MPZ: variants seen among roughly 807,000 people sequenced by gnomAD.
MPZ encodes the protein myelin protein P0.
Under a neutral mutation model 27.9 loss-of-function variants are expected in MPZ, and 13 were observed. The ratio of observed to expected loss-of-function variants is 0.47; its 90% CI spans 0.30 to 0.74. The LOEUF (loss-of-function observed/expected upper bound fraction) is 0.74, where lower values mean the gene tolerates loss of function less well. Ranked by LOEUF, MPZ falls within the 30% of genes least tolerant of loss-of-function variation. MPZ has a pLI of 0.06. For synonymous variants in MPZ, 118 were observed against 128.9 expected (o/e 0.92, Z 0.57); for missense variants, 256 against 317.5 (o/e 0.81, Z 1.47).
intron 3 of MPZ, 76 bp from the exon 4 acceptor site, chr1:161,306,540 T>C: frequency 6.3e-7 from 1 of 1,597,598 alleles, no homozygotes; most frequent in Non-Finnish European, 8.6e-7. Context: ...GTGTATGCCC[T>C]GCATTGAGGA....
chr1:161,309,567 G>GAATTTTTTTTTT (rs1670352724), intron 1 of MPZ, among the ~76,000 whole-genome samples: 1 of 52,584 alleles, frequency 1.9e-5, no homozygotes, highest in Non-Finnish European at 4.1e-5. Context: ...TTTTTTTTTT[G>GAATTTTTTTTTT]AATTTTACAG....
rs1182729605 is a variant in MPZ, at chr1:161,307,427, G to T, written c.68-3C>A. The stretch of plus-strand genomic sequence containing the variant: ...GATGGCCTGGGCCGGGGACAGCACT[G>T]CAAGCACAAAGTGGGGAATCAGATG... On this transcript the variant is annotated splice_region_variant and splice_polypyrimidine_tract_variant and intron_variant, in intron 1 of 5. Coordinates refer to ENST00000533357, the MANE Select transcript of MPZ (RefSeq NM_000530.8). The T allele has an allele frequency of 6.2e-7, 1 of 1,614,058 alleles. No individual in the cohort carries two copies. The highest frequency in any genetic ancestry group is 8.5e-7 in the Non-Finnish European group (1 of 1,180,046).
downstream of MPZ, among the ~76,000 whole-genome samples, chr1:161,304,512 C>T (rs1243460038): frequency 6.6e-6 from 1 of 152,132 alleles, no homozygotes. Flanking sequence ...CATGTAAAAG[C>T]AGAGACTGGC....
In MPZ at chr1:161,306,140, G is replaced by A. The variant is rs1670234542; in HGVS notation, c.613C>T (p.Pro205Ser). The A allele has an allele frequency of 1.2e-6, 2 of 1,614,078 alleles. No homozygotes were observed. The highest frequency in any genetic ancestry group is 2.2e-5 in the South Asian group (2 of 91,096). Reference protein sequence around the residue: ...SAMEKGKLHKPGKDASKRGRQ... With the variant: ...SAMEKGKLHKSGKDASKRGRQ... The stretch of plus-strand genomic sequence containing the variant: ...CCGCGCTTCGACGCGTCCTTTCCTG[G>A]CTTGTGCAATTTCCCCTTCTCCATA... Residue 205 changes from proline to serine, a missense_variant, in exon 5 of 6, where the codon CCA becomes TCA. By Grantham distance (74) the Pro-to-Ser change is moderately conservative. Transcript: ENST00000533357.
rs1670365188 is a variant in MPZ, at chr1:161,309,938, G to A, written c.-33C>T. 6.5e-7 allele frequency: 1 copy of A among 1,538,338 alleles called. No individual in the cohort carries two copies. The highest frequency in any genetic ancestry group is 8.9e-7 in the Non-Finnish European group (1 of 1,129,424). On this transcript the variant is annotated 5_prime_UTR_variant, in exon 1 of 6. Coordinates refer to ENST00000533357, the MANE Select transcript of MPZ (RefSeq NM_000530.8). ...GCAGGGGCAGGGGCCCGGAGCATCT[G>A]TGGGGTTGAGAAAGTGGGGGACCAG...
Position 161,304,865 on chromosome 1 carries a change from C to A in MPZ, c.*1011G>T, listed in dbSNP as rs1399604509. The A allele has an allele frequency of 7.0e-6, 1 of 142,602 alleles. No individual in the cohort carries two copies. Among genetic ancestry groups the A allele is most frequent in the Non-Finnish European group, 1.6e-5 (1 of 63,762 alleles). 8.8% of individuals were successfully genotyped at this position (142,602 alleles called of 1,614,324 possible). Reference sequence around the variant, plus strand: ...AGCCTCTTCCTCCCCCCCGCCCCCCCATTTCCCATTTGTTTTTCCTGCTTT... The same window carrying A: ...AGCCTCTTCCTCCCCCCCGCCCCCCAATTTCCCATTTGTTTTTCCTGCTTT... On this transcript the variant is annotated 3_prime_UTR_variant, in exon 6 of 6. Transcript: ENST00000533357.
chr1:161,306,572 T>C, intron 3 of MPZ, 108 bp from the exon 4 acceptor site: 2 of 1,564,104 alleles, frequency 1.3e-6, no homozygotes, highest in African/African-American at 1.4e-5. Flanking sequence ...CAGCTAAAAC[T>C]GCCTTCTGCC....
chr1:161,304,673 G>A (rs935193384), downstream of MPZ: 3 of 152,782 alleles, frequency 2.0e-5, no homozygotes, highest in Non-Finnish European at 2.9e-5. Flanking sequence ...GAAGGTTGGG[G>A]ATGGGATAAG....
At position 161,306,738 on chromosome 1, in the gene MPZ, A is replaced by T. The variant is rs572010627; in HGVS notation, c.418T>A (p.Ser140Thr). Residue 140 changes from serine (S) to threonine (T), a missense_variant, in exon 3 of 6, where the codon TCT (serine) becomes ACT (threonine). By Grantham distance (58) the Ser-to-Thr change is moderately conservative. Coordinates refer to ENST00000533357, the MANE Select transcript of MPZ (RefSeq NM_000530.8). ...KNPPDIVGKT[S>T]QVTLYVFEKV... The stretch of plus-strand genomic sequence containing the variant: ...TCAAAGACATACAGCGTGACCTGAG[A>T]GGTCTTGCCCACTATGTCTGGAGGG... 1.9e-6 allele frequency: 3 copies of T among 1,614,048 alleles called. No individual in the cohort carries two copies. The highest frequency in any genetic ancestry group is 2.5e-6 in the Non-Finnish European group (3 of 1,180,014).
chr1:161,309,546 A>ATT (rs1558155591), intron 1 of MPZ, among the ~76,000 whole-genome samples: 1 of 74,824 alleles, frequency 1.3e-5, no homozygotes, highest in Non-Finnish European at 2.7e-5. Context: ...ATATATATAT[A>ATT]TATATATTTT....
chr1:161,307,467 G>C lies in MPZ; in HGVS notation c.68-43C>G, dbSNP rs751109430. 12 of 1,609,846 alleles carry C rather than the reference G, an allele frequency of 7.5e-6. No homozygotes were observed. In the Middle Eastern group the frequency reaches 7.6e-4, roughly 102 times the overall value. On this transcript the variant is annotated intron_variant, in intron 1 of 5. Transcript: ENST00000533357. Reference sequence around the variant, plus strand: ...GGAATCAGATGCACCTATGGGCCCAGTAAGGGATACAGAGGAAGTGAGATC... The same window carrying C: ...GGAATCAGATGCACCTATGGGCCCACTAAGGGATACAGAGGAAGTGAGATC...
In MPZ at chr1:161,305,864, G is replaced by C. The variant is rs758288895; in HGVS notation, c.*12C>G. 1.9e-6 allele frequency: 3 copies of C among 1,603,780 alleles called. No individual in the cohort carries two copies. Among genetic ancestry groups the C allele is most frequent in the South Asian group, 2.2e-5 (2 of 90,566 alleles). ...CCCCTAACCCCCGATCCCCCGCCCG[G>C]CCCGCTAACCGCTATTTCTTATCCT... On this transcript the variant is annotated 3_prime_UTR_variant, in exon 6 of 6. Coordinates refer to ENST00000533357, the MANE Select transcript of MPZ (RefSeq NM_000530.8).
At position 161,309,919 on chromosome 1, in the gene MPZ, G is replaced by A. The variant is rs1670363873; in HGVS notation, c.-14C>T. 6.3e-7 allele frequency: 1 copy of A among 1,578,736 alleles called. No homozygotes were observed. Among genetic ancestry groups the A allele is most frequent in the Non-Finnish European group, 8.6e-7 (1 of 1,162,026 alleles). ...CCCAGGAGCCATAGCTGGGGCAGGG[G>A]CAGGGGCCCGGAGCATCTGTGGGGT... On this transcript the variant is annotated 5_prime_UTR_variant, in exon 1 of 6. Coordinates refer to ENST00000533357, the MANE Select transcript of MPZ (RefSeq NM_000530.8).
In MPZ at chr1:161,304,775, T is replaced by G. The variant is rs570191524; in HGVS notation, c.*1101A>C. 19 of 152,756 alleles carry G rather than the reference T, an allele frequency of 1.2e-4. No individual in the cohort carries two copies. The highest frequency in any genetic ancestry group is 2.6e-4 in the Non-Finnish European group (18 of 68,042). The allele number at this position is 152,756 out of a possible 1,614,324, so 9.5% of individuals were successfully genotyped here. A position where few individuals can be genotyped will look rare whatever the true frequency, so the allele number is the denominator to read the frequency against. ...TGTTTATTAAACATTTAAGGACATTTGGAGGTTTGAGAAGAAATATACAGA... is the reference window on the plus strand; with the variant it reads ...TGTTTATTAAACATTTAAGGACATTGGGAGGTTTGAGAAGAAATATACAGA... On this transcript the variant is annotated 3_prime_UTR_variant, in exon 6 of 6. Coordinates refer to ENST00000533357, the MANE Select transcript of MPZ (RefSeq NM_000530.8).
rs995572837 is a variant in MPZ, at chr1:161,305,673, G to C, written c.*203C>G. 5.1e-6 allele frequency: 3 copies of C among 592,012 alleles called. No homozygotes were observed. The highest frequency in any genetic ancestry group is 3.7e-5 in the African/African-American group (2 of 53,568). The allele number at this position is 592,012 out of a possible 1,614,324, so 36.7% of individuals were successfully genotyped here. ...CCTGCTCTGGCAGGGCCTGGGGTGG[G>C]GGGGTGGCGATCACTTGTCCGAGTT... is the stretch of plus-strand genomic sequence containing the variant. On this transcript the variant is annotated 3_prime_UTR_variant, in exon 6 of 6. Coordinates refer to ENST00000533357, the MANE Select transcript of MPZ (RefSeq NM_000530.8).
rs1237249547 is a variant in MPZ at position 161,309,914 on chromosome 1, C to A, written c.-9G>T. 4 of 1,580,580 alleles carry A rather than the reference C, an allele frequency of 2.5e-6. No homozygotes were observed. Among genetic ancestry groups the A allele is most frequent in the Non-Finnish European group, 3.4e-6 (4 of 1,163,480 alleles). ...GGAGCCCCAGGAGCCATAGCTGGGG[C>A]AGGGGCAGGGGCCCGGAGCATCTGT... On this transcript the variant is annotated 5_prime_UTR_variant, in exon 1 of 6. Transcript: ENST00000533357.
Position 161,306,328 on chromosome 1 carries a change from C to A in MPZ, c.584+1G>T, listed in dbSNP as rs1224719799. 1 of 1,614,230 alleles carries A rather than the reference C, an allele frequency of 6.2e-7. No homozygotes were observed. The highest frequency in any genetic ancestry group is 8.5e-7 in the Non-Finnish European group (1 of 1,180,042). Reference sequence around the variant, plus strand: ...GAGGGGAGCTAGGCTCCGCCCCTTACCTGAGCCTCCTCTGCAGGGCCGCCT... The same window carrying A: ...GAGGGGAGCTAGGCTCCGCCCCTTAACTGAGCCTCCTCTGCAGGGCCGCCT... On this transcript the variant is annotated splice_donor_variant, in intron 4 of 5. Transcript: ENST00000533357. LOFTEE classifies it high-confidence loss of function.
chr1:161,304,061 C>T (rs941585017), downstream of MPZ, among the ~76,000 whole-genome samples: 2 of 151,986 alleles, frequency 1.3e-5, no homozygotes, highest in East Asian at 3.9e-4. Context: ...TTCAGGATAC[C>T]AGGATATTAA....
At chr1:161,308,891 C>A (rs1047770067) in intron 1 of MPZ, among the ~76,000 whole-genome samples, 1 of 152,088 alleles carries the variant, frequency 6.6e-6, no homozygotes, top group Non-Finnish European at 1.5e-5. Context: ...CAGTACAACC[C>A]AGAAGAGTCT....
Sources: allele counts gnomAD v4.1 joint callset (sites outside exome capture counted in the v4.1 genomes callset), GRCh38; gene constraint gnomAD v4.1.1; transcripts MANE v1.5; gene names NCBI Gene and HGNC (gene_info 2026-07-23, HGNC 2026-07-21).